Variants in NYAP2 observed in about 807,000 individuals in gnomAD.
NYAP2 encodes the protein neuronal tyrosine-phosphorylated phosphoinositide-3-kinase adaptor 2, also known as neuronal tyrosine-phosphorylated phosphoinositide-3-kinase adapter 2.
NYAP2 carries 23 observed loss-of-function variants against 50.4 expected under a neutral mutation model. The observed-to-expected ratio is 0.46, with a 90% confidence interval of 0.33 to 0.65. The LOEUF (loss-of-function observed/expected upper bound fraction) is 0.65, where lower values mean the gene tolerates loss of function less well. Ranked by LOEUF, NYAP2 falls within the 30% of genes least tolerant of loss-of-function variation. The pLI, the probability that NYAP2 is intolerant of heterozygous loss-of-function variation, is 0.02. For synonymous variants in NYAP2, 394 were observed against 365.2 expected (o/e 1.08, Z -0.90); for missense variants, 885 against 861.0 (o/e 1.03, Z -0.35).
the NYAP2 span, among the ~76,000 whole-genome samples, chr2:225,680,091 T>C: frequency 6.6e-6 from 1 of 152,218 alleles, no homozygotes; most frequent in African/African-American, 2.4e-5. Flanking sequence ...ACACTTTCCC[T>C]TGTTGCATAT....
intron 3 of NYAP2, among the ~76,000 whole-genome samples, chr2:225,453,013 A>G (rs1407735148): frequency 6.6e-6 from 1 of 152,210 alleles, no homozygotes; most frequent in Non-Finnish European, 1.5e-5. Context: ...TGCCCAGCTG[A>G]GTGATGAAAC....
intron 3 of NYAP2, among the ~76,000 whole-genome samples, chr2:225,473,487 T>C (rs576261474): frequency 6.4e-4 from 97 of 152,360 alleles, no homozygotes; most frequent in Middle Eastern, 3.4e-3. Context: ...CCTGACTTTT[T>C]AATGATCACC....
chr2:225,534,413 G>A (rs1691311736), intron 4 of NYAP2, among the ~76,000 whole-genome samples: 1 of 152,188 alleles, frequency 6.6e-6, no homozygotes, highest in Non-Finnish European at 1.5e-5. Flanking sequence ...TACGGGCCAA[G>A]CATTATTCTA....
chr2:225,673,197 A>T, the NYAP2 span, among the ~76,000 whole-genome samples: 1 of 152,036 alleles, frequency 6.6e-6, no homozygotes, highest in Non-Finnish European at 1.5e-5. Context: ...ACTTACTATC[A>T]TGAGAACAGC....
chr2:225,561,998 CTTAG>C (rs1691885090), intron 4 of NYAP2, among the ~76,000 whole-genome samples: 1 of 151,896 alleles, frequency 6.6e-6, no homozygotes, highest in Non-Finnish European at 1.5e-5. Context: ...CTAACTGGAA[CTTAG>C]TTAAATGATT....
chr2:225,570,872 C>A (rs1250492008), intron 4 of NYAP2, among the ~76,000 whole-genome samples: 2 of 152,200 alleles, frequency 1.3e-5, no homozygotes, highest in African/African-American at 2.4e-5. Flanking sequence ...CAAGGCAAGT[C>A]CCTTCCACCT....
intron 5 of NYAP2, among the ~76,000 whole-genome samples, chr2:225,591,870 T>A (rs1036731726): frequency 3.3e-5 from 5 of 152,162 alleles, no homozygotes; most frequent in African/African-American, 1.2e-4. Flanking sequence ...ACAAATGGCA[T>A]GAACTACTTA....
chr2:225,582,731 C>T lies in NYAP2; in HGVS notation c.1314C>T (p.Ser438=), dbSNP rs562881458. The T allele has an allele frequency of 3.0e-5, 49 of 1,612,468 alleles. No homozygotes were observed. The South Asian group carries it at 5.1e-4, about 17-fold the overall frequency. Residue 438 remains serine, a synonymous_variant, in exon 5 of 7, where the codon TCC becomes TCT. Coordinates refer to ENST00000636099, the Ensembl canonical transcript of NYAP2. This position sits in a 1 kb window ranked among gnomAD's most constrained non-coding sequence, Gnocchi z 7.0. The stretch of plus-strand genomic sequence containing the variant: ...CTAAAAGTCACTCCACCTCTCCCTC[C>T]CCCGTCAGCATGGGGAGGTCCCTGA...
At chr2:225,438,866 G>A (rs1048657295) in intron 3 of NYAP2, among the ~76,000 whole-genome samples, 3 of 152,214 alleles carry the variant, frequency 2.0e-5, no homozygotes, top group African/African-American at 7.2e-5. Context: ...CCTACAGTAT[G>A]AGTAGAAGAG....
the NYAP2 span, among the ~76,000 whole-genome samples, chr2:225,665,518 G>C: frequency 6.6e-6 from 1 of 150,976 alleles, no homozygotes; most frequent in Admixed American, 6.6e-5. Flanking sequence ...CATGAGCTGC[G>C]TGAAGATTTG....
chr2:225,499,327 T>A (rs971115237), intron 3 of NYAP2, among the ~76,000 whole-genome samples: 1 of 152,080 alleles, frequency 6.6e-6, no homozygotes, highest in Non-Finnish European at 1.5e-5. Context: ...TACTTTTTTT[T>A]TTTTTTTGAC....
At chr2:225,538,577 C>T (rs1018814712) in intron 4 of NYAP2, among the ~76,000 whole-genome samples, 3 of 152,156 alleles carry the variant, frequency 2.0e-5, no homozygotes, top group Non-Finnish European at 4.4e-5. Context: ...CTGGGCCTGG[C>T]CCACAAAACC....
the NYAP2 span, among the ~76,000 whole-genome samples, chr2:225,660,018 A>G: frequency 6.6e-6 from 1 of 152,168 alleles, no homozygotes; most frequent in Non-Finnish European, 1.5e-5. Context: ...GAAAAAGCAG[A>G]CAGATTTCTA....
At chr2:225,439,019 A>G (rs1179885392) in intron 3 of NYAP2, among the ~76,000 whole-genome samples, 1 of 152,198 alleles carries the variant, frequency 6.6e-6, no homozygotes, top group Admixed American at 6.5e-5. Flanking sequence ...GAGGATGCAT[A>G]CATCTGCATG....
chr2:225,486,105 C>T (rs1045810877), intron 3 of NYAP2, among the ~76,000 whole-genome samples: 23 of 152,194 alleles, frequency 1.5e-4, no homozygotes, highest in African/African-American at 5.5e-4. Context: ...TGAGGCCACC[C>T]ACCCTTGAGC....
chr2:225,663,680 C>T, the NYAP2 span, among the ~76,000 whole-genome samples: 1 of 152,154 alleles, frequency 6.6e-6, no homozygotes, highest in Admixed American at 6.5e-5. Flanking sequence ...GCCTTAGCCT[C>T]CCAAGTAGCT....
At chr2:225,613,626 G>C (rs759762669) in intron 5 of NYAP2, among the ~76,000 whole-genome samples, 1 of 152,158 alleles carries the variant, frequency 6.6e-6, no homozygotes, top group East Asian at 1.9e-4. Flanking sequence ...CACTTAATAC[G>C]TGGTAGCTCT....
At chr2:225,565,997 G>A (rs1291104724) in intron 4 of NYAP2, among the ~76,000 whole-genome samples, 1 of 152,108 alleles carries the variant, frequency 6.6e-6, no homozygotes, top group Non-Finnish European at 1.5e-5. Context: ...ACTAGAGCCA[G>A]CTCACCCATG....
exon 6 of NYAP2, chr2:225,626,970 T>G (rs1351319954): frequency 6.3e-7 from 1 of 1,586,628 alleles, no homozygotes; most frequent in African/African-American, 1.3e-5. Context: ...ATTACCAAAG[T>G]TGGACAACAA....
Sources: gnomAD v4.1 joint callset for allele counts (sites outside exome capture counted in the v4.1 genomes callset) on GRCh38, gnomAD v4.1.1 for gene constraint, Gnocchi (gnomAD v3.1) non-coding constraint, MANE v1.5 for transcripts, NCBI Gene and HGNC (gene_info 2026-07-23, HGNC 2026-07-21) for gene names.